Variants in THRB observed in about 807,000 individuals in gnomAD.
THRB encodes the protein thyroid hormone receptor beta, also known as nuclear receptor subfamily 1 group A member 2.
Under a neutral mutation model 47.8 loss-of-function variants are expected in THRB, and 12 were observed. The ratio of observed to expected loss-of-function variants is 0.25; its 90% confidence interval spans 0.16 to 0.41. THRB has a LOEUF of 0.41. Among genes scored for constraint, THRB ranks in the 10% least tolerant of loss-of-function variants. The pLI is 1.00. For missense variants in THRB, 348 were observed against 589.2 expected, an observed-to-expected ratio of 0.59 and a Z score of 4.24; for synonymous variants, 218 against 212.2, an observed-to-expected ratio of 1.03 and a Z score of -0.24.
At chr3:24,233,609 AAG>A (rs1402420571) in intron 3 of THRB, among the ~76,000 whole-genome samples, 2 of 148,846 alleles carry the variant, frequency 1.3e-5, no homozygotes, top group Non-Finnish European at 3.0e-5. Flanking sequence ...GAAAGAAAGA[AAG>A]AAAGAGAAAG....
Position 24,482,723 on chromosome 3 carries a change from G to A in THRB, c.-261+11929C>T, listed in dbSNP as rs79135424. Among the ~76,000 whole-genome samples, 628 of 152,224 alleles carry A rather than the reference G, an allele frequency of 4.1e-3. 5 individuals carry two copies. The highest frequency in any genetic ancestry group is 0.015 in the African/African-American group (606 of 41,534). On this transcript the variant is annotated intron_variant, in intron 1 of 10. Transcript: ENST00000646209. ...ACATAATTGGAGCCCACTGCTGTGC[G>A]ATATGCTGAGTCCTAGAGACCTTAA...
chr3:24,439,733 T>A (rs2071346891), intron 1 of THRB, among the ~76,000 whole-genome samples: 1 of 152,220 alleles, frequency 6.6e-6, no homozygotes, highest in African/African-American at 2.4e-5. Flanking sequence ...CCTTATCATT[T>A]CCATTCACCA....
intron 8 of THRB, among the ~76,000 whole-genome samples, chr3:24,142,861 G>GTCTGAAA (rs1032753258): frequency 2.0e-5 from 3 of 152,178 alleles, no homozygotes; most frequent in African/African-American, 7.2e-5. Context: ...ACACTATGAA[G>GTCTGAAA]TCTGAATAAA....
At chr3:24,410,400 G>A (rs2068189116) in intron 1 of THRB, among the ~76,000 whole-genome samples, 1 of 151,802 alleles carries the variant, frequency 6.6e-6, no homozygotes, top group African/African-American at 2.4e-5. Context: ...GCAGAATTGA[G>A]TACAATCTTT....
intron 5 of THRB, among the ~76,000 whole-genome samples, chr3:24,157,469 G>A (rs2038038285): frequency 6.6e-6 from 1 of 152,044 alleles, no homozygotes; most frequent in South Asian, 2.1e-4. Flanking sequence ...ATGAGTTTTG[G>A]ATCATTTCTT....
At chr3:24,178,790 A>T (rs73037623) in intron 5 of THRB, among the ~76,000 whole-genome samples, 5,623 of 152,244 alleles carry the variant, frequency 0.037, 138 homozygotes, top group South Asian at 0.06. Flanking sequence ...GGTAGAACAG[A>T]TAGATGTTCG....
At chr3:24,305,602 T>C (rs550002332) in intron 2 of THRB, among the ~76,000 whole-genome samples, 1 of 152,346 alleles carries the variant, frequency 6.6e-6, no homozygotes, top group Non-Finnish European at 1.5e-5. Context: ...AAAAATTATA[T>C]TTTCATTGTA....
intron 5 of THRB, among the ~76,000 whole-genome samples, chr3:24,164,849 A>G (rs1438627111): frequency 6.6e-6 from 1 of 152,202 alleles, no homozygotes. Flanking sequence ...GTGCTTGGAA[A>G]TCTTGATGTT....
At chr3:24,473,725 G>A (rs1437719392) in intron 1 of THRB, among the ~76,000 whole-genome samples, 1 of 152,160 alleles carries the variant, frequency 6.6e-6, no homozygotes, top group Non-Finnish European at 1.5e-5. Context: ...TAAAGAAAAT[G>A]TGGCACATAT....
At chr3:24,479,245 T>G (rs954914164) in intron 1 of THRB, among the ~76,000 whole-genome samples, 30 of 152,126 alleles carry the variant, frequency 2.0e-4, no homozygotes, top group Non-Finnish European at 3.7e-4. Flanking sequence ...GGGCTAGCAG[T>G]GAGCTGAGAT....
intron 3 of THRB, among the ~76,000 whole-genome samples, chr3:24,291,949 C>T (rs2055964891): frequency 6.6e-6 from 1 of 151,898 alleles, no homozygotes; most frequent in African/African-American, 2.4e-5. Flanking sequence ...TATGAAATTG[C>T]AACATTCTGG....
chr3:24,147,781 A>G (rs896576200), intron 6 of THRB, among the ~76,000 whole-genome samples: 7 of 152,196 alleles, frequency 4.6e-5, no homozygotes, highest in Admixed American at 3.9e-4. Context: ...CTTCCCTACA[A>G]TCATGTAAAG....
chr3:24,326,388 A>G (rs2061595614), intron 2 of THRB, among the ~76,000 whole-genome samples: 1 of 152,088 alleles, frequency 6.6e-6, no homozygotes, highest in South Asian at 2.1e-4. Flanking sequence ...GGTGCCCACC[A>G]CCATGCCTGG....
rs1053548194 is a variant in THRB at position 24,309,347 on chromosome 3, T to A, written c.-188-11976A>T. Among the ~76,000 whole-genome samples the A allele has an allele frequency of 2.6e-5, 4 of 152,246 alleles. No homozygotes were observed. The East Asian group carries it at 7.7e-4, about 29-fold the overall frequency. ...TAAAGTTTTGTTTCTTTACTCTCTT[T>A]GAGTTTGCTAATTAAAGGAACAATC... On this transcript the variant is annotated intron_variant, in intron 2 of 10. Coordinates refer to ENST00000646209, the MANE Select transcript of THRB (RefSeq NM_001354712.2).
chr3:24,165,196 C>G (rs747995658), intron 5 of THRB: 1 of 764,932 alleles, frequency 1.3e-6, no homozygotes, highest in African/African-American at 1.7e-5. Flanking sequence ...CTGCCCAGGC[C>G]TGTTCCATAT....
At chr3:24,193,669 GTATT>G (rs1484431861) in intron 4 of THRB, among the ~76,000 whole-genome samples, 4 of 152,228 alleles carry the variant, frequency 2.6e-5, no homozygotes, top group Admixed American at 1.3e-4. Flanking sequence ...ATGTAAATAA[GTATT>G]TACTCAAAAA....
At chr3:24,176,445 A>G (rs1169041288) in intron 5 of THRB, among the ~76,000 whole-genome samples, 1 of 152,188 alleles carries the variant, frequency 6.6e-6, no homozygotes, top group Non-Finnish European at 1.5e-5. Context: ...AATAGGAATA[A>G]TGAATGAACA....
At chr3:24,291,352 A>T (rs1249281468) in intron 3 of THRB, among the ~76,000 whole-genome samples, 1 of 152,190 alleles carries the variant, frequency 6.6e-6, no homozygotes, top group Non-Finnish European at 1.5e-5. Flanking sequence ...ATAAAGTGCA[A>T]ACTCCTCTTT....
At chr3:24,425,211 A>G (rs913908331) in intron 1 of THRB, among the ~76,000 whole-genome samples, 1 of 151,854 alleles carries the variant, frequency 6.6e-6, no homozygotes, top group African/African-American at 2.4e-5. Flanking sequence ...ATTGTCCTTA[A>G]AAAAAACTGC....
Sources: allele counts gnomAD v4.1 joint callset (sites outside exome capture counted in the v4.1 genomes callset), GRCh38; gene constraint gnomAD v4.1.1; transcripts MANE v1.5; gene names NCBI Gene and HGNC (gene_info 2026-07-23, HGNC 2026-07-21).